CRELD1: variants seen among roughly 807,000 people sequenced by gnomAD.
CRELD1 encodes the protein CRELD disulfide isomerase 1.
Under a neutral mutation model 58.2 loss-of-function variants are expected in CRELD1, and 42 were observed. That is an observed-to-expected ratio of 0.72 (90% CI 0.56 to 0.93). CRELD1 has a LOEUF of 0.93. Among genes scored for constraint, CRELD1 ranks in the 40% least tolerant of loss-of-function variants. The pLI is 0.00. For missense variants in CRELD1, 500 were observed against 540.6 expected (o/e 0.92, Z 0.74); for synonymous variants, 222 against 202.0 (o/e 1.10, Z -0.84).
At chr3:9,938,728 C>G (rs979303485) in intron 5 of CRELD1, 2 of 152,528 alleles carry the variant, frequency 1.3e-5, no homozygotes, top group Non-Finnish European at 2.9e-5. Context: ...GGCATGGTGG[C>G]GGGCGCCTCT....
intron 5 of CRELD1, among the ~76,000 whole-genome samples, chr3:9,940,043 C>T (rs1171083252): frequency 6.6e-6 from 1 of 152,084 alleles, no homozygotes; most frequent in African/African-American, 2.4e-5. Flanking sequence ...GGCTGCCGGG[C>T]GGAGGGGCTC....
Position 9,937,598 on chromosome 3 carries a change from CA to C in CRELD1, c.295del (p.Ser99AlafsTer13). The C allele has an allele frequency of 6.2e-7, 1 of 1,612,574 alleles. No individual in the cohort carries two copies. Among genetic ancestry groups the C allele is most frequent in the Non-Finnish European group, 8.5e-7 (1 of 1,179,742 alleles). Reference sequence around the variant, plus strand: ...TGGTAGAGGTGCTGGAGGGTGTGTGCAGCAAGTCAGACTTCGAGTGCCACCG... The same window carrying C: ...TGGTAGAGGTGCTGGAGGGTGTGTGCGCAAGTCAGACTTCGAGTGCCACCG... Reference protein sequence around the residue: ...RLVEVLEGVCSKSDFECHRLL... With the variant: ...RLVEVLEGVCXKSDFECHRLL... On this transcript the variant is annotated frameshift_variant, in exon 4 of 11. Coordinates refer to ENST00000452070, the MANE Select transcript of CRELD1 (RefSeq NM_001077415.3). LOFTEE classifies it high-confidence loss of function.
chr3:9,938,127 TG>T, intron 5 of CRELD1, 21 bp downstream of exon 5: 1 of 1,588,562 alleles, frequency 6.3e-7, no homozygotes, highest in Non-Finnish European at 8.6e-7. Flanking sequence ...AAGTTGCTCT[TG>T]GGGATGGGAG....
chr3:9,933,946 T>C (rs1575627291), intron 1 of CRELD1, 26 bp downstream of exon 1: 1 of 355,194 alleles, frequency 2.8e-6, no homozygotes, highest in Non-Finnish European at 5.2e-6. Context: ...TGCCGGCTCG[T>C]GGGCCGTGCC....
Position 9,937,631 on chromosome 3 carries a change from G to A in CRELD1, c.327G>A (p.Leu109=). 3 of 1,611,870 alleles carry A rather than the reference G, an allele frequency of 1.9e-6. No individual in the cohort carries two copies. Among genetic ancestry groups the A allele is most frequent in the Non-Finnish European group, 1.7e-6 (2 of 1,179,454 alleles). The change falls in exon 4 of 11, where the codon CTG becomes CTA. Residue 109 remains leucine (L), a synonymous_variant. Transcript: ENST00000452070. ...CAGACTTCGAGTGCCACCGCCTGCT[G>A]GAGCTGAGTGAGGAGCTGGTGGAGA... ...SKSDFECHRL[L]ELSEELVESW... is the part of the protein sequence containing the mutation.
chr3:9,944,557 A>C lies in CRELD1; in HGVS notation c.1241A>C (p.Glu414Ala), dbSNP rs1298003773. 1 of 1,609,144 alleles carries C rather than the reference A, an allele frequency of 6.2e-7. No homozygotes were observed. Among genetic ancestry groups the C allele is most frequent in the South Asian group, 1.1e-5 (1 of 90,994 alleles). ...TCAGAGCGCAGTGACCGTGTGCTGGAGGGCTTCATCAAGGGCAGATAATCG... is the reference window on the plus strand; with the variant it reads ...TCAGAGCGCAGTGACCGTGTGCTGGCGGGCTTCATCAAGGGCAGATAATCG... ...WLSERSDRVLEGFIKGR is the reference protein window; with the variant it reads ...WLSERSDRVLAGFIKGR Residue 414 changes from glutamate (E) to alanine (A), a missense_variant, in exon 11 of 11, where the codon GAG becomes GCG. Coordinates refer to ENST00000452070, the MANE Select transcript of CRELD1 (RefSeq NM_001077415.3).
At chr3:9,943,651 C>T in intron 10 of CRELD1, 136 bp downstream of exon 10, 1 of 1,567,668 alleles carries the variant, frequency 6.4e-7, no homozygotes, top group Non-Finnish European at 8.6e-7. Flanking sequence ...TGCACTGAGA[C>T]CGGGCTCTAC....
Position 9,939,540 on chromosome 3 carries a change from C to G in CRELD1, c.461-1310C>G, listed in dbSNP as rs369437953. Among the ~76,000 whole-genome samples, 448 of 151,664 alleles carry G rather than the reference C, an allele frequency of 3.0e-3. 2 individuals carry two copies. The highest frequency in any genetic ancestry group is 9.9e-3 in the African/African-American group (410 of 41,530). On this transcript the variant is annotated intron_variant, in intron 5 of 10. Coordinates refer to ENST00000452070, the MANE Select transcript of CRELD1 (RefSeq NM_001077415.3). ...TCAAGGAGTGGTGATGACTCTCAACCAGCATGCTGCCTTCAAGCATCTGTT... is the reference window on the plus strand; with the variant it reads ...TCAAGGAGTGGTGATGACTCTCAACGAGCATGCTGCCTTCAAGCATCTGTT...
intron 10 of CRELD1, chr3:9,943,866 T>C: frequency 4.3e-6 from 7 of 1,613,850 alleles, no homozygotes; most frequent in Non-Finnish European, 5.9e-6. Context: ...GCAGGGACCA[T>C]TTCCCCAGCA....
chr3:9,941,900 A>G (rs2085380216), intron 7 of CRELD1, among the ~76,000 whole-genome samples: 1 of 151,926 alleles, frequency 6.6e-6, no homozygotes, highest in East Asian at 1.9e-4. Context: ...GTCCCAGCCT[A>G]GCCACTTATA....
Position 9,934,866 on chromosome 3 carries a change from G to C in CRELD1, c.206G>C (p.Gly69Ala). ...GLERTIRDNF[G>A]GGNTAWEEEN... ...GAGAGAACCATCCGGGACAACTTTG[G>C]AGGTGGAAACACTGCCTGGGAGGAA... Residue 69 changes from glycine (G) to alanine (A), a missense_variant, in exon 3 of 11, where the codon GGA (glycine) becomes GCA (alanine). By Grantham distance (60) the Gly-to-Ala change is moderately conservative. Transcript: ENST00000452070. 1 of 1,613,202 alleles carries C rather than the reference G, an allele frequency of 6.2e-7. No individual in the cohort carries two copies. Among genetic ancestry groups the C allele is most frequent in the Non-Finnish European group, 8.5e-7 (1 of 1,179,694 alleles).
rs2085471176 is a variant in CRELD1 at position 9,944,638 on chromosome 3, C to A, written c.*59C>A. ...CACGCTGCCCCCAGAGCTTGGGCTGCCCTCCTGCTGGACACTCAGGACAGC... is the reference window on the plus strand; with the variant it reads ...CACGCTGCCCCCAGAGCTTGGGCTGACCTCCTGCTGGACACTCAGGACAGC... On this transcript the variant is annotated 3_prime_UTR_variant, in exon 11 of 11. Coordinates refer to ENST00000452070, the MANE Select transcript of CRELD1 (RefSeq NM_001077415.3). 43 of 1,453,336 alleles carry A rather than the reference C, an allele frequency of 3.0e-5. No individual in the cohort carries two copies. In the South Asian group the frequency reaches 5.1e-4, roughly 17 times the overall value. The allele number at this position is 1,453,336 out of a possible 1,614,324, so 90.0% of individuals were successfully genotyped here. A position where few individuals can be genotyped will look rare whatever the true frequency, so the allele number is the denominator to read the frequency against.
chr3:9,940,778 A>T, intron 5 of CRELD1, 72 bp from the exon 6 acceptor site: 2 of 1,275,934 alleles, frequency 1.6e-6, no homozygotes, highest in Non-Finnish European at 1.1e-6. Flanking sequence ...AGGGAGAGGG[A>T]GAGGGAGAAA....
rs755051594 is a variant in CRELD1 at position 9,941,189 on chromosome 3, A to C, written c.716A>C (p.His239Pro). 1.9e-6 allele frequency: 3 copies of C among 1,614,046 alleles called. No homozygotes were observed. Among genetic ancestry groups the C allele is most frequent in the Middle Eastern group, 3.3e-4 (2 of 6,038 alleles). ...CAATGCAAGAAGGGCTGGGCCCTGC[A>C]TCACCTCAAGTGTGTAGGTAAGTGG... ...CLQCKKGWALHHLKCVDIDEC... is the reference protein window; with the variant it reads ...CLQCKKGWALPHLKCVDIDEC... The change falls in exon 7 of 11, where the codon CAT (histidine) becomes CCT (proline). Residue 239 changes from histidine (H) to proline (P), a missense_variant. By Grantham distance (77) the His-to-Pro change is moderately conservative (BLOSUM62 -2). Coordinates refer to ENST00000452070, the MANE Select transcript of CRELD1 (RefSeq NM_001077415.3).
chr3:9,937,992 C>T (rs2085242553), intron 4 of CRELD1, 23 bp from the exon 5 acceptor site: 2 of 1,574,280 alleles, frequency 1.3e-6, no homozygotes, highest in African/African-American at 2.7e-5. Flanking sequence ...TCCCCACCTC[C>T]CTCCACCCTG....
In CRELD1 at chr3:9,940,912, CGAG is replaced by C. The variant is rs2124849063; in HGVS notation, c.525_527del (p.Gly177del). 1 of 1,613,848 alleles carries C rather than the reference CGAG, an allele frequency of 6.2e-7. No homozygotes were observed. On this transcript the variant is annotated inframe_deletion, in exon 6 of 11. Transcript: ENST00000452070. The stretch of plus-strand genomic sequence containing the variant: ...CGGGCAGTGTGAAGGAGAAGGGACA[CGAG>C]GGGGCAGCGGGCACTGTGACTGCCA...
chr3:9,934,356 C>G, intron 1 of CRELD1, 64 bp from the exon 2 acceptor site: 7 of 1,333,840 alleles, frequency 5.2e-6, no homozygotes, highest in Non-Finnish European at 7.6e-6. Context: ...TAGAACAGAC[C>G]TTTTTCTTTC....
Position 9,944,709 on chromosome 3 carries a change from A to G in CRELD1, c.*130A>G. The stretch of plus-strand genomic sequence containing the variant: ...GGGTAAGCACCCCTACCTGCCTTAC[A>G]GAGCAGCCCAGGTACCCAGGCCCGG... On this transcript the variant is annotated 3_prime_UTR_variant, in exon 11 of 11. Coordinates refer to ENST00000452070, the MANE Select transcript of CRELD1 (RefSeq NM_001077415.3). 1 of 889,140 alleles carries G rather than the reference A, an allele frequency of 1.1e-6. No individual in the cohort carries two copies. Among genetic ancestry groups the G allele is most frequent in the Non-Finnish European group, 1.8e-6 (1 of 560,396 alleles). The allele number at this position is 889,140 out of a possible 1,614,324, so 55.1% of individuals were successfully genotyped here. A position where few individuals can be genotyped will look rare whatever the true frequency, so the allele number is the denominator to read the frequency against.
intron 5 of CRELD1, 167 bp downstream of exon 5, chr3:9,938,273 G>A (rs1420502787): frequency 1.5e-6 from 1 of 655,826 alleles, no homozygotes; most frequent in Non-Finnish European, 2.8e-6. Flanking sequence ...CAAATCAGTG[G>A]GGAAAGGCTT....
Sources: gnomAD v4.1 joint callset for allele counts (sites outside exome capture counted in the v4.1 genomes callset) on GRCh38, gnomAD v4.1.1 for gene constraint, MANE v1.5 for transcripts, NCBI Gene and HGNC (gene_info 2026-07-23, HGNC 2026-07-21) for gene names.